DNAH11: variants seen among roughly 807,000 people sequenced by gnomAD.
The protein encoded by DNAH11 is axonemal beta dynein heavy chain 11.
In DNAH11, 442 loss-of-function variants were observed where a neutral mutation model predicts 526.0. The observed-to-expected ratio is 0.84, with a 90% confidence interval of 0.78 to 0.91. The LOEUF (loss-of-function observed/expected upper bound fraction) is 0.91, where lower values mean the gene tolerates loss of function less well. Ranked by LOEUF, DNAH11 falls within the 40% of genes least tolerant of loss-of-function variation. The pLI is 0.00. For missense variants in DNAH11, 6,989 were observed against 5,448.7 expected (o/e 1.28, Z -8.90); for synonymous variants, 2,461 against 1,935.9 (o/e 1.27, Z -7.12).
chr7:21,852,684 CAT>C (rs1483742936), intron 67 of DNAH11, 53 bp downstream of exon 67: 6 of 1,504,206 alleles, frequency 4.0e-6, no homozygotes, highest in Non-Finnish European at 4.4e-6. Context: ...TCGAATGAGA[CAT>C]GTGGGGTGGG....
chr7:21,875,270 A>C (rs1463180433), intron 74 of DNAH11, among the ~76,000 whole-genome samples: 1 of 152,178 alleles, frequency 6.6e-6, no homozygotes, highest in African/African-American at 2.4e-5. Context: ...TTTTCAAGCT[A>C]TTTCCCAAAG....
chr7:21,818,354 A>G lies in DNAH11; in HGVS notation c.10691+15A>G, dbSNP rs1353894068. On this transcript the variant is annotated intron_variant, in intron 65 of 81. Coordinates refer to ENST00000409508, the MANE Select transcript of DNAH11 (RefSeq NM_001277115.2). ...AAAAAAGGAAAGTAAGTATTCTTGAATTTTTAACATATATATCTTGCTAAA... is the reference window on the plus strand; with the variant it reads ...AAAAAAGGAAAGTAAGTATTCTTGAGTTTTTAACATATATATCTTGCTAAA... The G allele has an allele frequency of 1.0e-5, 16 of 1,605,576 alleles. No individual in the cohort carries two copies. Among genetic ancestry groups the G allele is most frequent in the Non-Finnish European group, 1.4e-5 (16 of 1,176,678 alleles).
intron 66 of DNAH11, among the ~76,000 whole-genome samples, chr7:21,843,310 A>G (rs1234180448): frequency 6.6e-6 from 1 of 152,196 alleles, no homozygotes; most frequent in Admixed American, 6.5e-5. Context: ...AAAGATTAAC[A>G]AAATAAAAAA....
chr7:21,871,957 C>G (rs191797693), intron 73 of DNAH11, among the ~76,000 whole-genome samples: 1 of 151,506 alleles, frequency 6.6e-6, no homozygotes, highest in East Asian at 1.9e-4. Context: ...CCCGTCTCTA[C>G]TAAAAATACA....
chr7:21,589,436 G>C (rs780904990), intron 12 of DNAH11, 33 bp downstream of exon 12: 1 of 1,525,580 alleles, frequency 6.6e-7, no homozygotes. Context: ...TGATTTATAA[G>C]TGCCCTTTTT....
In DNAH11 at chr7:21,864,595, G is replaced by C. The variant is rs760695267; in HGVS notation, c.11434G>C (p.Val3812Leu). 5.6e-6 allele frequency: 9 copies of C among 1,611,458 alleles called. No individual in the cohort carries two copies. Among genetic ancestry groups the C allele is most frequent in the Non-Finnish European group, 7.6e-6 (9 of 1,178,698 alleles). ...ATTGGATTTCCTGCTTCGATTCACA[G>C]TTGAACACACTCATCTGAGTCCCGT... ...LELDFLLRFT[V>L]EHTHLSPVDF... is the part of the protein sequence containing the mutation. The change falls in exon 70 of 82, where the codon GTT becomes CTT. Residue 3812 changes from valine (V) to leucine (L), a missense_variant. By Grantham distance (32) the Val-to-Leu change is conservative (BLOSUM62 1). Coordinates refer to ENST00000409508, the MANE Select transcript of DNAH11 (RefSeq NM_001277115.2).
intron 73 of DNAH11, among the ~76,000 whole-genome samples, chr7:21,871,902 C>A (rs983555864): frequency 1.3e-4 from 19 of 151,822 alleles, no homozygotes; most frequent in Non-Finnish European, 2.4e-4. Flanking sequence ...GAGGGCAGAT[C>A]ATGAGGTCAG....
intron 40 of DNAH11, among the ~76,000 whole-genome samples, chr7:21,708,251 T>C (rs1015066471): frequency 7.9e-5 from 12 of 152,184 alleles, no homozygotes; most frequent in Non-Finnish European, 1.6e-4. Context: ...CAGATCCCTT[T>C]GTGACAATCT....
At chr7:21,731,756 A>C (rs1199995820) in intron 45 of DNAH11, among the ~76,000 whole-genome samples, 1 of 152,174 alleles carries the variant, frequency 6.6e-6, no homozygotes. Context: ...GCAGAATTAA[A>C]TCTCATGCCG....
chr7:21,649,256 T>C (rs1363972786), intron 28 of DNAH11, among the ~76,000 whole-genome samples: 1 of 152,170 alleles, frequency 6.6e-6, no homozygotes, highest in Non-Finnish European at 1.5e-5. Flanking sequence ...TAGGAATATA[T>C]CATACATTTT....
At chr7:21,879,564 G>A (rs1177887524) in intron 74 of DNAH11, among the ~76,000 whole-genome samples, 2 of 152,126 alleles carry the variant, frequency 1.3e-5, no homozygotes, top group Non-Finnish European at 2.9e-5. Context: ...TCATTGGAAG[G>A]AAATAATGTG....
chr7:21,754,267 A>T (rs947019132), intron 54 of DNAH11, among the ~76,000 whole-genome samples: 34 of 152,214 alleles, frequency 2.2e-4, no homozygotes, highest in African/African-American at 7.7e-4. Context: ...TTGTCAAAGA[A>T]GTATCTACCT....
At chr7:21,679,364 T>G (rs1783045740) in intron 30 of DNAH11, among the ~76,000 whole-genome samples, 1 of 152,192 alleles carries the variant, frequency 6.6e-6, no homozygotes, top group African/African-American at 2.4e-5. Flanking sequence ...TACTTGAAAT[T>G]TGCTAAGAGA....
intron 65 of DNAH11, among the ~76,000 whole-genome samples, chr7:21,836,298 C>A (rs1157894702): frequency 2.0e-5 from 3 of 151,870 alleles, no homozygotes; most frequent in Non-Finnish European, 2.9e-5. Flanking sequence ...GCCAAACCAA[C>A]CTTGAGCAAA....
At chr7:21,752,029 A>G (rs891322167) in intron 54 of DNAH11, among the ~76,000 whole-genome samples, 1 of 152,270 alleles carries the variant, frequency 6.6e-6, no homozygotes, top group Non-Finnish European at 1.5e-5. Flanking sequence ...CTTTTTAAAA[A>G]TGCATTTTCT....
rs1341271939 is a variant in DNAH11 at position 21,543,576 on chromosome 7, C to G, written c.331C>G (p.Arg111Gly). 2 of 1,598,362 alleles carry G rather than the reference C, an allele frequency of 1.3e-6. No homozygotes were observed. The highest frequency in any genetic ancestry group is 1.3e-5 in the African/African-American group (1 of 74,718). Residue 111 changes from arginine to glycine, a missense_variant, in exon 1 of 82, where the codon CGC becomes GGC. Arg to Gly is a moderately radical substitution (Grantham distance 125, BLOSUM62 -2). Coordinates refer to ENST00000409508, the MANE Select transcript of DNAH11 (RefSeq NM_001277115.2). ...CLVFSFAASG[R>G]LAASQEIPRD... is the part of the protein sequence containing the mutation. ...TGTGTTTAGCTTCGCCGCCTCGGGG[C>G]GCCTTGCGGCTTCCCAGGAGGTAAG...
chr7:21,716,243 G>T (rs777353643), intron 42 of DNAH11, among the ~76,000 whole-genome samples: 5 of 152,074 alleles, frequency 3.3e-5, no homozygotes, highest in African/African-American at 4.8e-5. Flanking sequence ...CCAATAGGAC[G>T]CTACTGCCTT....
intron 32 of DNAH11, among the ~76,000 whole-genome samples, chr7:21,686,343 C>G (rs74926511): frequency 8.5e-5 from 13 of 152,162 alleles, no homozygotes; most frequent in Admixed American, 2.6e-4. Context: ...ATATCATTCA[C>G]TAGACCTGCT....
At position 21,899,448 on chromosome 7, in the gene DNAH11, G is replaced by A; in HGVS notation, c.13162G>A (p.Ala4388Thr). 4.3e-6 allele frequency: 7 copies of A among 1,611,588 alleles called. No individual in the cohort carries two copies. Among genetic ancestry groups the A allele is most frequent in the South Asian group, 2.2e-5 (2 of 90,992 alleles). ...GFFNPQSFLT[A>T]IMQTMARKNE... ...CTTCAACCCTCAGTCCTTCTTAACT[G>A]GTAAGGGCTGACGCAGTGCAGCCCC... is the stretch of plus-strand genomic sequence containing the variant. The change falls in exon 80 of 82, where the codon GCA (alanine) becomes ACA (threonine). Residue 4388 changes from alanine (A) to threonine (T), a missense_variant and splice_region_variant. Transcript: ENST00000409508.
Sources: allele counts gnomAD v4.1 joint callset (sites outside exome capture counted in the v4.1 genomes callset), GRCh38; gene constraint gnomAD v4.1.1; transcripts MANE v1.5; gene names NCBI Gene and HGNC (gene_info 2026-07-23, HGNC 2026-07-21).